The following STPG2 variants were observed in gnomAD, a reference collection of about 807,000 sequenced individuals.
STPG2 encodes the protein sperm-tail PG-rich repeat-containing protein 2.
In STPG2, 56 loss-of-function variants were observed where a neutral mutation model predicts 54.2. That is an observed-to-expected ratio of 1.03 (90% CI 0.83 to 1.29). The LOEUF (loss-of-function observed/expected upper bound fraction) is 1.29, where lower values mean the gene tolerates loss of function less well. Among genes scored for constraint, STPG2 ranks in the 50% most tolerant of loss-of-function variants. The probability of loss-of-function intolerance (pLI) is 0.00; values close to 1 mark genes in which losing one functional copy is unlikely to be tolerated. For missense variants in STPG2, 596 were observed against 544.9 expected (o/e 1.09, Z -0.93); for synonymous variants, 200 against 181.8 (o/e 1.10, Z -0.81).
intron 10 of STPG2, among the ~76,000 whole-genome samples, chr4:97,665,255 C>A (rs1722489835): frequency 6.6e-6 from 1 of 152,192 alleles, no homozygotes; most frequent in Admixed American, 6.5e-5. Flanking sequence ...CTTTCAGCCT[C>A]ACCATTCGGC....
At chr4:98,134,537 T>C (rs1024203318) in intron 1 of STPG2, 78 bp from the exon 2 acceptor site, 1 of 657,684 alleles carries the variant, frequency 1.5e-6, no homozygotes, top group Non-Finnish European at 2.4e-6. Context: ...AAAATATATA[T>C]AATCATGAGT....
intron 5 of STPG2, among the ~76,000 whole-genome samples, chr4:98,095,673 A>G (rs1738836793): frequency 1.3e-5 from 2 of 152,236 alleles, no homozygotes; most frequent in East Asian, 1.9e-4. Flanking sequence ...TATATAAAGC[A>G]AATATTATAA....
At chr4:97,698,942 G>C (rs958195889) in intron 10 of STPG2, among the ~76,000 whole-genome samples, 7 of 152,196 alleles carry the variant, frequency 4.6e-5, no homozygotes, top group Non-Finnish European at 8.8e-5. Context: ...TACCATGACA[G>C]TGGATAAGGC....
Position 97,721,347 on chromosome 4 carries a change from C to T in STPG2, c.1205-8533G>A, listed in dbSNP as rs376289197. On this transcript the variant is annotated intron_variant, in intron 9 of 10. Coordinates refer to ENST00000295268, the MANE Select transcript of STPG2 (RefSeq NM_174952.3). ...AAAGCAGCTGTTATCTTAATTTCCC[C>T]AAGTAATTACTCAGATATATTGTGT... Among the ~76,000 whole-genome samples the T allele has an allele frequency of 4.6e-5, 7 of 152,128 alleles. No individual in the cohort carries two copies. The East Asian group carries it at 5.8e-4, about 13-fold the overall frequency.
intron 5 of STPG2, among the ~76,000 whole-genome samples, chr4:98,037,852 T>C (rs1477318587): frequency 1.3e-5 from 2 of 151,964 alleles, no homozygotes; most frequent in African/African-American, 4.8e-5. Flanking sequence ...CAACAGCAAA[T>C]AAAAGCCTAC....
chr4:97,658,686 G>A lies in STPG2; in HGVS notation c.1320+54013C>T, dbSNP rs533079783. On this transcript the variant is annotated intron_variant, in intron 10 of 10. Coordinates refer to ENST00000295268, the MANE Select transcript of STPG2 (RefSeq NM_174952.3). ...AGACTAAGAGGATGTGGACATGAGTGGGACACTTTGTGTTGCAAGGAGTAC... is the reference window on the plus strand; with the variant it reads ...AGACTAAGAGGATGTGGACATGAGTAGGACACTTTGTGTTGCAAGGAGTAC... 3.3e-5 allele frequency among the ~76,000 whole-genome samples: 5 copies of A among 152,264 alleles called. No individual in the cohort carries two copies. The East Asian group carries it at 5.8e-4, about 18-fold the overall frequency.
intron 9 of STPG2, among the ~76,000 whole-genome samples, chr4:97,807,501 GA>G (rs950289967): frequency 1.3e-5 from 2 of 151,564 alleles, no homozygotes; most frequent in Non-Finnish European, 2.9e-5. Context: ...GCCTATCGTG[GA>G]AATAAAAATA....
chr4:97,724,577 T>C lies in STPG2; in HGVS notation c.1205-11763A>G, dbSNP rs1724559147. On this transcript the variant is annotated intron_variant, in intron 9 of 10. Coordinates refer to ENST00000295268, the MANE Select transcript of STPG2 (RefSeq NM_174952.3). ...TAAGTCATTCTCTATCCAGCAAGTG[T>C]GGTGAATTTTCTTATCAGTTCTAGT... 2.0e-5 allele frequency among the ~76,000 whole-genome samples: 3 copies of C among 152,158 alleles called. 1 individual carries two copies. In the South Asian group the frequency reaches 6.2e-4, roughly 32 times the overall value.
chr4:97,936,504 A>G (rs1732751109), intron 8 of STPG2, among the ~76,000 whole-genome samples: 1 of 152,086 alleles, frequency 6.6e-6, no homozygotes, highest in Non-Finnish European at 1.5e-5. Flanking sequence ...GTGTTTTTAG[A>G]GTGGCTGGTA....
chr4:97,766,773 T>C (rs183736188), intron 9 of STPG2, among the ~76,000 whole-genome samples: 1 of 152,212 alleles, frequency 6.6e-6, no homozygotes, highest in African/African-American at 2.4e-5. Context: ...TTCAATGTCA[T>C]CTTAAAAATT....
rs564721460 is a variant in STPG2, at chr4:97,932,227, T to C, written c.1044+11670A>G. 7.2e-5 allele frequency among the ~76,000 whole-genome samples: 11 copies of C among 152,308 alleles called. No individual in the cohort carries two copies. The South Asian group carries it at 2.1e-3, about 29-fold the overall frequency. On this transcript the variant is annotated intron_variant, in intron 8 of 10. Transcript: ENST00000295268. ...TTGATCTTTTGAATGTTTGTTCGTGTCTTGATTTCCTGCAGTTTAGCTCCG... is the reference window on the plus strand; with the variant it reads ...TTGATCTTTTGAATGTTTGTTCGTGCCTTGATTTCCTGCAGTTTAGCTCCG...
intron 8 of STPG2, among the ~76,000 whole-genome samples, chr4:97,866,185 A>T (rs1425390014): frequency 1.3e-5 from 2 of 151,982 alleles, no homozygotes; most frequent in Non-Finnish European, 2.9e-5. Context: ...AGTATTTGAT[A>T]GTACAACAGG....
At chr4:97,905,735 G>C (rs1164861159) in intron 8 of STPG2, among the ~76,000 whole-genome samples, 4 of 152,092 alleles carry the variant, frequency 2.6e-5, no homozygotes, top group Middle Eastern at 3.4e-3. Flanking sequence ...GACACACATA[G>C]GCTCAAAATA....
In STPG2 at chr4:97,537,505, C is replaced by A. The variant is rs549857849; in HGVS notation, c.462+175194G>T. Reference sequence around the variant, plus strand: ...AGCAGCAAGGCTGGGGGAGGAGTGTCCACCATTTCTGAGGCTTCAGTAGGT... The same window carrying A: ...AGCAGCAAGGCTGGGGGAGGAGTGTACACCATTTCTGAGGCTTCAGTAGGT... On this transcript the variant is annotated intron_variant, in intron 4 of 4. Transcript: ENST00000522676. Among the ~76,000 whole-genome samples, 10 of 152,284 alleles carry A rather than the reference C, an allele frequency of 6.6e-5. No individual in the cohort carries two copies. The South Asian group carries it at 2.1e-3, about 32-fold the overall frequency.
intron 8 of STPG2, among the ~76,000 whole-genome samples, chr4:97,890,674 AAAG>A (rs1434488410): frequency 1.3e-5 from 2 of 151,918 alleles, no homozygotes; most frequent in African/African-American, 4.8e-5. Context: ...AAAACAGCTA[AAAG>A]AAGAGTTGGA....
intron 10 of STPG2, among the ~76,000 whole-genome samples, chr4:97,664,071 A>G (rs1722452193): frequency 6.6e-6 from 1 of 152,198 alleles, no homozygotes; most frequent in African/African-American, 2.4e-5. Context: ...TAAAATAGAA[A>G]ATGATAGTAA....
At chr4:97,826,576 C>G (rs781093206) in intron 9 of STPG2, among the ~76,000 whole-genome samples, 1 of 152,078 alleles carries the variant, frequency 6.6e-6, no homozygotes, top group African/African-American at 2.4e-5. Flanking sequence ...ACCTTATGGT[C>G]AAACTGATTA....
chr4:98,135,675 G>A (rs1012796155), intron 1 of STPG2, among the ~76,000 whole-genome samples: 1 of 151,580 alleles, frequency 6.6e-6, no homozygotes, highest in Non-Finnish European at 1.5e-5. Flanking sequence ...AAGAGGAGAG[G>A]GAAAGGTAAA....
In STPG2 at chr4:97,530,344, G is replaced by A. The variant is rs558908322; in HGVS notation, c.462+182355C>T. Among the ~76,000 whole-genome samples the A allele has an allele frequency of 3.9e-5, 6 of 152,260 alleles. No individual in the cohort carries two copies. In the East Asian group the frequency reaches 1.2e-3, roughly 29 times the overall value. ...ATCTGTGATAGTCTGAGAAAGCAAA[G>A]GTTATGCTGTACTGTGTAAATAACT... On this transcript the variant is annotated intron_variant, in intron 4 of 4. Transcript: ENST00000522676.
Sources: gnomAD v4.1 joint callset for allele counts (sites outside exome capture counted in the v4.1 genomes callset) on GRCh38, gnomAD v4.1.1 for gene constraint, MANE v1.5 for transcripts, NCBI Gene and HGNC (gene_info 2026-07-23, HGNC 2026-07-21) for gene names.